The following TTC39C variants were observed in gnomAD, a reference collection of about 807,000 sequenced individuals.
TTC39C encodes the protein tetratricopeptide repeat domain 39C.
Under a neutral mutation model 76.3 loss-of-function variants are expected in TTC39C, and 33 were observed. The observed-to-expected ratio is 0.43, with a 90% CI of 0.33 to 0.58. TTC39C has a LOEUF of 0.58. Among genes scored for constraint, TTC39C ranks in the 20% least tolerant of loss-of-function variants. The pLI is 0.04. For synonymous variants in TTC39C, 254 were observed against 260.6 expected, an observed-to-expected ratio of 0.97 and a Z score of 0.24; for missense variants, 595 against 701.4, an observed-to-expected ratio of 0.85 and a Z score of 1.71.
chr18:24,128,790 A>G, intron 10 of TTC39C, 96 bp from the exon 11 acceptor site: 2 of 980,612 alleles, frequency 2.0e-6, no homozygotes, highest in Admixed American at 2.5e-5. Flanking sequence ...AGGAGGCAGA[A>G]ACATGAACTG....
chr18:24,070,671 C>A, intron 4 of TTC39C, among the ~76,000 whole-genome samples: 1 of 152,128 alleles, frequency 6.6e-6, no homozygotes. Context: ...TGGTGAAACC[C>A]CGTCTCTACT....
chr18:24,092,334 G>A (rs1240848764), intron 6 of TTC39C, among the ~76,000 whole-genome samples: 1 of 152,042 alleles, frequency 6.6e-6, no homozygotes, highest in Admixed American at 6.6e-5. Context: ...ATGTGAAATG[G>A]TGTGGCTGCT....
chr18:24,094,461 T>C (rs2084564380), intron 6 of TTC39C, among the ~76,000 whole-genome samples: 1 of 152,232 alleles, frequency 6.6e-6, no homozygotes, highest in African/African-American at 2.4e-5. Context: ...CAGAGGGTTT[T>C]CAATTTACTT....
chr18:24,044,912 T>C (rs776279290), intron 1 of TTC39C, among the ~76,000 whole-genome samples: 124 of 152,144 alleles, frequency 8.2e-4, no homozygotes, highest in Non-Finnish European at 1.6e-3. Flanking sequence ...CACTGAGACC[T>C]TGCTAGTCTA....
chr18:24,035,718 C>A (rs957692661), intron 1 of TTC39C, among the ~76,000 whole-genome samples: 11 of 149,658 alleles, frequency 7.4e-5, no homozygotes, highest in African/African-American at 2.2e-4. Flanking sequence ...TTTCCCCCCC[C>A]ATTCCATGGA....
At chr18:24,038,539 T>A (rs1013665834) in intron 1 of TTC39C, among the ~76,000 whole-genome samples, 1 of 152,140 alleles carries the variant, frequency 6.6e-6, no homozygotes, top group African/African-American at 2.4e-5. Context: ...CGCCTTGGCC[T>A]CCCAAAGTGC....
At chr18:24,093,459 A>G (rs1451837613) in intron 6 of TTC39C, among the ~76,000 whole-genome samples, 1 of 149,584 alleles carries the variant, frequency 6.7e-6, no homozygotes, top group East Asian at 2.0e-4. Context: ...AGCCTGGGTG[A>G]CAGAGTGAGA....
intron 1 of TTC39C, among the ~76,000 whole-genome samples, chr18:24,056,942 G>A (rs903177269): frequency 6.6e-6 from 1 of 151,904 alleles, no homozygotes; most frequent in Non-Finnish European, 1.5e-5. Context: ...CTCAGCCTCC[G>A]GAAGTGCTAG....
intron 6 of TTC39C, chr18:24,113,590 G>A: frequency 2.8e-6 from 2 of 702,344 alleles, no homozygotes; most frequent in Non-Finnish European, 2.6e-6. Flanking sequence ...GGCACCAGCA[G>A]AGCAAGAAAG....
upstream of TTC39C, among the ~76,000 whole-genome samples, chr18:24,011,516 G>A (rs545873599): frequency 2.0e-5 from 3 of 152,100 alleles, no homozygotes; most frequent in Non-Finnish European, 4.4e-5. Context: ...GGAGAAACTG[G>A]GTCCTGGTTA....
chr18:23,997,680 A>AAGAAAGAAAGAC (rs2083277745), intron 1 of TTC39C, among the ~76,000 whole-genome samples: 1 of 146,502 alleles, frequency 6.8e-6, no homozygotes, highest in Non-Finnish European at 1.5e-5. Flanking sequence ...GAAAGAAAGA[A>AAGAAAGAAAGAC]AGAAAGAAAG....
intron 1 of TTC39C, among the ~76,000 whole-genome samples, chr18:24,039,023 G>A (rs1374939114): frequency 6.6e-6 from 1 of 152,160 alleles, no homozygotes; most frequent in South Asian, 2.1e-4. Flanking sequence ...TTTGGTGGAC[G>A]CAGTTCAGAC....
intron 4 of TTC39C, among the ~76,000 whole-genome samples, chr18:24,075,554 T>A (rs907913653): frequency 2.0e-5 from 3 of 151,788 alleles, no homozygotes. Flanking sequence ...CTTGGTGGCG[T>A]GTGCCTGTAG....
At position 24,031,022 on chromosome 18, in the gene TTC39C, T is replaced by C. The variant is rs1483399722; in HGVS notation, c.167+15984T>C. Among the ~76,000 whole-genome samples the C allele has an allele frequency of 3.9e-5, 6 of 151,948 alleles. No individual in the cohort carries two copies. The East Asian group carries it at 7.8e-4, about 20-fold the overall frequency. On this transcript the variant is annotated intron_variant, in intron 1 of 13. Transcript: ENST00000317571. ...GCAGTGGCAGTGCGATCTCGGCAACTTGCAGCCTCCAATTCCTGCATTTAA... is the reference window on the plus strand; with the variant it reads ...GCAGTGGCAGTGCGATCTCGGCAACCTGCAGCCTCCAATTCCTGCATTTAA...
intron 6 of TTC39C, among the ~76,000 whole-genome samples, chr18:24,109,015 C>T (rs2084778840): frequency 6.6e-6 from 1 of 151,904 alleles, no homozygotes; most frequent in African/African-American, 2.4e-5. Flanking sequence ...AGGTACCTTT[C>T]CTAAGAGTAT....
intron 1 of TTC39C, among the ~76,000 whole-genome samples, chr18:24,023,971 TATATATATACATATATATATATATATATA>T (rs2083555456): frequency 1.6e-3 from 21 of 13,482 alleles, no homozygotes; most frequent in African/African-American, 3.3e-3. Context: ...TATATATATA[TATATATATACATATATATATATATATATA>T]TATATATATA....
intron 1 of TTC39C, among the ~76,000 whole-genome samples, chr18:23,998,053 A>G (rs1280548423): frequency 6.6e-6 from 1 of 152,138 alleles, no homozygotes; most frequent in Non-Finnish European, 1.5e-5. Flanking sequence ...AGTGATCAAT[A>G]AAGATAACTA....
chr18:24,055,397 ATTTTG>A (rs1397312839), intron 1 of TTC39C, among the ~76,000 whole-genome samples: 3 of 151,978 alleles, frequency 2.0e-5, no homozygotes, highest in African/African-American at 4.8e-5. Flanking sequence ...TCTAACACTT[ATTTTG>A]TTTTATTTTT....
intron 1 of TTC39C, among the ~76,000 whole-genome samples, chr18:24,046,020 G>A (rs2083877437): frequency 7.5e-6 from 1 of 132,864 alleles, no homozygotes; most frequent in South Asian, 2.6e-4. Flanking sequence ...CTCACTGCAA[G>A]CTCCGCCTCC....
Sources: allele counts gnomAD v4.1 joint callset (sites outside exome capture counted in the v4.1 genomes callset), GRCh38; gene constraint gnomAD v4.1.1; transcripts MANE v1.5; gene names NCBI Gene and HGNC (gene_info 2026-07-23, HGNC 2026-07-21).